The following VEZT variants were observed in gnomAD, a reference collection of about 807,000 sequenced individuals.
The protein encoded by VEZT is vezatin.
VEZT carries 39 observed loss-of-function variants against 79.9 expected under a neutral mutation model. That is an observed-to-expected ratio of 0.49 (90% CI 0.38 to 0.64). VEZT has a LOEUF of 0.64. VEZT is among the 30% of genes least tolerant of loss of function. The probability of loss-of-function intolerance (pLI) is 0.00; values close to 1 mark genes in which losing one functional copy is unlikely to be tolerated. For missense variants in VEZT, 837 were observed against 893.1 expected, an observed-to-expected ratio of 0.94 and a Z score of 0.80; for synonymous variants, 325 against 327.6, an observed-to-expected ratio of 0.99 and a Z score of 0.09.
chr12:95,232,175 G>T (rs184851501), intron 1 of VEZT, among the ~76,000 whole-genome samples: 1,633 of 152,072 alleles, frequency 0.011, 12 homozygotes, highest in Non-Finnish European at 0.018. Flanking sequence ...AAGATAAAAG[G>T]TTTTTTTAAA....
chr12:95,256,848 C>A (rs2138105146), intron 2 of VEZT, among the ~76,000 whole-genome samples: 1 of 152,310 alleles, frequency 6.6e-6, no homozygotes, highest in East Asian at 1.9e-4. Context: ...TTCAGAATGA[C>A]TTCTGCCTGC....
rs1295757921 is a variant in VEZT, at chr12:95,302,250, C to G, written c.*1577C>G. On this transcript the variant is annotated 3_prime_UTR_variant, in exon 12 of 12. Coordinates refer to ENST00000436874, the MANE Select transcript of VEZT (RefSeq NM_017599.4). ...ATCTCTCTCAACCTATAACCTTACA[C>G]AGGAAGAATTAGAGTTTAATAATTT... The G allele has an allele frequency of 1.3e-5, 2 of 152,104 alleles. No homozygotes were observed. The highest frequency in any genetic ancestry group is 4.8e-5 in the African/African-American group (2 of 41,430). The allele number at this position is 152,104 out of a possible 1,614,324, so 9.4% of individuals were successfully genotyped here.
rs1214513673 is a variant in VEZT, at chr12:95,262,982, T to C, written c.335T>C (p.Ile112Thr). Residue 112 changes from isoleucine to threonine, a missense_variant, in exon 4 of 12, where the codon ATT (isoleucine) becomes ACT (threonine). Ile to Thr is a moderately conservative substitution (Grantham distance 89). Coordinates refer to ENST00000436874, the MANE Select transcript of VEZT (RefSeq NM_017599.4). ...EVLLQEDVEL[I>T]ELLDPSILSA... ...CTGTTACAAGAGGATGTGGAGCTGA[T>C]TGAGCTACTTGATCCCAGTATCCTG... 6.2e-7 allele frequency: 1 copy of C among 1,613,538 alleles called. No individual in the cohort carries two copies. Among genetic ancestry groups the C allele is most frequent in the Non-Finnish European group, 8.5e-7 (1 of 1,179,532 alleles).
intron 7 of VEZT, among the ~76,000 whole-genome samples, chr12:95,275,596 C>T (rs1378242937): frequency 6.6e-6 from 1 of 151,232 alleles, no homozygotes; most frequent in Non-Finnish European, 1.5e-5. Flanking sequence ...AAAAAGTAAA[C>T]TTTTAACTTC....
chr12:95,300,813 ATAAC>A lies in VEZT; in HGVS notation c.*142_*145del. ...ATTTACAGGAAGAACCCTGGTTTGAATAACTGATCTGAAATTAGTAGTTACCTGT... is the reference window on the plus strand; with the variant it reads ...ATTTACAGGAAGAACCCTGGTTTGAATGATCTGAAATTAGTAGTTACCTGT... On this transcript the variant is annotated 3_prime_UTR_variant, in exon 12 of 12. Transcript: ENST00000436874. 8.3e-7 allele frequency: 1 copy of A among 1,201,580 alleles called. No homozygotes were observed. Among genetic ancestry groups the A allele is most frequent in the Non-Finnish European group, 1.1e-6 (1 of 924,890 alleles). The allele number at this position is 1,201,580 out of a possible 1,614,324, so 74.4% of individuals were successfully genotyped here. A position where few individuals can be genotyped will look rare whatever the true frequency, so the allele number is the denominator to read the frequency against.
At chr12:95,276,466 C>T (rs577460593) in intron 7 of VEZT, among the ~76,000 whole-genome samples, 78 of 151,772 alleles carry the variant, frequency 5.1e-4, no homozygotes, top group African/African-American at 1.8e-3. Context: ...GACAGGGTTT[C>T]ACCGTGTTGC....
intron 2 of VEZT, 135 bp from the exon 3 acceptor site, chr12:95,257,015 G>C (rs2063577219): frequency 1.6e-6 from 1 of 643,222 alleles, no homozygotes; most frequent in Non-Finnish European, 2.6e-6. Context: ...GTACTGACAA[G>C]GTATATAACC....
intron 11 of VEZT, chr12:95,298,989 G>C (rs1020703124): frequency 7.1e-5 from 11 of 154,780 alleles, no homozygotes; most frequent in African/African-American, 2.7e-4. Context: ...TCATAATGCT[G>C]TTTTAGTTTG....
chr12:95,268,733 G>T (rs1269650544), intron 5 of VEZT, among the ~76,000 whole-genome samples: 1 of 152,212 alleles, frequency 6.6e-6, no homozygotes, highest in African/African-American at 2.4e-5. Flanking sequence ...ACGAAGAGAA[G>T]TATTGGAAGA....
rs1250323150 is a variant in VEZT at position 95,235,706 on chromosome 12, G to A, written c.37-16234G>A. 5.5e-4 allele frequency among the ~76,000 whole-genome samples: 83 copies of A among 151,124 alleles called. 1 individual carries two copies. Among genetic ancestry groups the A allele is most frequent in the African/African-American group, 1.7e-3 (69 of 41,136 alleles). ...TCCCTCCCGGACGGGGCGGCTGGCC[G>A]GGCGGGGGGCTGACCCCCACCTCCC... On this transcript the variant is annotated intron_variant, in intron 1 of 11. Coordinates refer to ENST00000436874, the MANE Select transcript of VEZT (RefSeq NM_017599.4).
chr12:95,267,543 C>T (rs775112550), intron 5 of VEZT, among the ~76,000 whole-genome samples: 2 of 152,136 alleles, frequency 1.3e-5, no homozygotes, highest in Non-Finnish European at 2.9e-5. Flanking sequence ...TGGTAGCCAT[C>T]GCATCCTTCA....
rs35356495 is a variant in VEZT at position 95,274,795 on chromosome 12, C to CT, written c.906dup (p.Lys303Ter). The stretch of plus-strand genomic sequence containing the variant: ...GTAACCAACTACATCTGTGTGGTGC[C>CT]TTTTAAAGAGCTGGGCCTTGGACTT... On this transcript the variant is annotated frameshift_variant, in exon 7 of 12. Coordinates refer to ENST00000436874, the MANE Select transcript of VEZT (RefSeq NM_017599.4). LOFTEE classifies it high-confidence loss of function. 1 of 1,613,798 alleles carries CT rather than the reference C, an allele frequency of 6.2e-7. No individual in the cohort carries two copies. The highest frequency in any genetic ancestry group is 2.2e-5 in the East Asian group (1 of 44,852).
Position 95,248,029 on chromosome 12 carries a change from A to G in VEZT, c.37-3911A>G, listed in dbSNP as rs974911619. On this transcript the variant is annotated intron_variant, in intron 1 of 11. Transcript: ENST00000436874. ...GACAAATGCTTTGTTACATACAGCC[A>G]TGAAACAAAGTATGGTGATCACCTT... 2.0e-5 allele frequency among the ~76,000 whole-genome samples: 3 copies of G among 152,244 alleles called. No individual in the cohort carries two copies. In the East Asian group the frequency reaches 5.8e-4, roughly 29 times the overall value.
At chr12:95,292,091 C>T (rs1025437992) in intron 9 of VEZT, among the ~76,000 whole-genome samples, 2 of 152,184 alleles carry the variant, frequency 1.3e-5, no homozygotes, top group African/African-American at 2.4e-5. Context: ...TGAGCCACCA[C>T]ATCCGGCCTC....
chr12:95,243,761 TGGCTTG>T (rs2061356055), intron 1 of VEZT, among the ~76,000 whole-genome samples: 1 of 152,216 alleles, frequency 6.6e-6, no homozygotes, highest in Non-Finnish European at 1.5e-5. Flanking sequence ...CTTTCATGGA[TGGCTTG>T]GTGCCATTCT....
In VEZT at chr12:95,235,391, C is replaced by A. The variant is rs74797413; in HGVS notation, c.37-16549C>A. ...GCAGAGGCGCCCCTCACCTCCCGGA[C>A]GGGGCGGCTGGCTGGGCGGGAGGCT... is the stretch of plus-strand genomic sequence containing the variant. On this transcript the variant is annotated intron_variant, in intron 1 of 11. Transcript: ENST00000436874. Among the ~76,000 whole-genome samples the A allele has an allele frequency of 1.1e-3, 136 of 128,804 alleles. 9 individuals are homozygous for A. The highest frequency in any genetic ancestry group is 8.6e-3 in the Middle Eastern group (2 of 232). 84.5% of individuals were successfully genotyped at this position (128,804 alleles called of 152,430 possible).
At chr12:95,240,026 AAGGAAGGAAGGAAGGAAGG>A (rs2060759713) in intron 1 of VEZT, among the ~76,000 whole-genome samples, 1 of 24,536 alleles carries the variant, frequency 4.1e-5, no homozygotes, top group South Asian at 1.0e-3. Flanking sequence ...GAAAGAAAGG[AAGGAAGGAAGGAAGGAAGG>A]AAGGAAGGAA....
chr12:95,297,213 C>T (rs2074341717), intron 11 of VEZT, among the ~76,000 whole-genome samples: 1 of 152,206 alleles, frequency 6.6e-6, no homozygotes, highest in African/African-American at 2.4e-5. Context: ...AAGCTTAATA[C>T]TTGACAGTAT....
chr12:95,220,041 T>C (rs1338961623), intron 1 of VEZT, among the ~76,000 whole-genome samples: 4 of 152,240 alleles, frequency 2.6e-5, no homozygotes, highest in African/African-American at 7.2e-5. Context: ...TTGTTTGCTC[T>C]TTGATATACA....
Sources: allele counts gnomAD v4.1 joint callset (sites outside exome capture counted in the v4.1 genomes callset), GRCh38; gene constraint gnomAD v4.1.1; transcripts MANE v1.5; gene names NCBI Gene and HGNC (gene_info 2026-07-23, HGNC 2026-07-21).